HHLA2: variants seen among roughly 807,000 people sequenced by gnomAD.
HHLA2 encodes HERV-H LTR-associating protein 2.
Under a neutral mutation model 45.9 loss-of-function variants are expected in HHLA2, and 48 were observed. The observed-to-expected ratio is 1.05, with a 90% CI of 0.83 to 1.33. The LOEUF (loss-of-function observed/expected upper bound fraction) is 1.33. HHLA2 is among the 40% of genes most tolerant of loss of function. The pLI is 0.00. For synonymous variants in HHLA2, 161 were observed against 173.9 expected (o/e 0.93, Z 0.59); for missense variants, 462 against 494.3 (o/e 0.93, Z 0.62).
chr3:108,358,553 G>A (rs1289370442), intron 7 of HHLA2, among the ~76,000 whole-genome samples: 4 of 152,130 alleles, frequency 2.6e-5, no homozygotes, highest in Admixed American at 1.3e-4. Flanking sequence ...GAAGAATGCT[G>A]GGAAATCATG....
intron 3 of HHLA2, among the ~76,000 whole-genome samples, chr3:108,343,770 C>A (rs1203392026): frequency 1.3e-5 from 2 of 152,140 alleles, no homozygotes; most frequent in Non-Finnish European, 2.9e-5. Context: ...ATATCACTTA[C>A]CACACAATAG....
intron 1 of HHLA2, among the ~76,000 whole-genome samples, chr3:108,300,615 A>G (rs1189261001): frequency 6.6e-6 from 1 of 152,120 alleles, no homozygotes; most frequent in African/African-American, 2.4e-5. Context: ...GTCAGGCCTG[A>G]AACATCTACA....
At chr3:108,306,881 A>G (rs1030098584) in intron 1 of HHLA2, among the ~76,000 whole-genome samples, 1 of 151,988 alleles carries the variant, frequency 6.6e-6, no homozygotes, top group Non-Finnish European at 1.5e-5. Flanking sequence ...TTTGAGACAG[A>G]GTCTCGCTCT....
chr3:108,339,370 G>A (rs1354805796), intron 3 of HHLA2, among the ~76,000 whole-genome samples: 1 of 152,184 alleles, frequency 6.6e-6, no homozygotes, highest in Non-Finnish European at 1.5e-5. Context: ...AGAGTGGTTA[G>A]TAGAAGGCCT....
chr3:108,346,175 A>G (rs541415075), intron 3 of HHLA2, among the ~76,000 whole-genome samples: 205 of 152,270 alleles, frequency 1.3e-3, no homozygotes, highest in African/African-American at 4.5e-3. Flanking sequence ...AACACACCAA[A>G]ACAGAACCGA....
intron 1 of HHLA2, among the ~76,000 whole-genome samples, chr3:108,301,323 G>T (rs1270970986): frequency 6.6e-5 from 10 of 151,886 alleles, no homozygotes; most frequent in Non-Finnish European, 1.0e-4. Context: ...CTGTACTTTT[G>T]TCTTCCCTGT....
chr3:108,342,221 T>C (rs940245023), intron 3 of HHLA2, among the ~76,000 whole-genome samples: 1 of 151,886 alleles, frequency 6.6e-6, no homozygotes, highest in Admixed American at 6.6e-5. Flanking sequence ...ATTTAGCTAG[T>C]TGATGCTTAT....
intron 1 of HHLA2, among the ~76,000 whole-genome samples, chr3:108,301,162 T>C (rs1422948264): frequency 6.6e-6 from 1 of 152,176 alleles, no homozygotes; most frequent in East Asian, 1.9e-4. Context: ...CTATTGAATT[T>C]AGCGTTTTAT....
At chr3:108,304,461 C>T (rs558656245) in intron 1 of HHLA2, among the ~76,000 whole-genome samples, 38 of 152,208 alleles carry the variant, frequency 2.5e-4, no homozygotes, top group Non-Finnish European at 3.2e-4. Context: ...TCTCTGCCAC[C>T]GTCTGTGTCT....
chr3:108,358,208 G>C (rs1050528741), intron 7 of HHLA2, 47 bp downstream of exon 6: 2 of 1,365,002 alleles, frequency 1.5e-6, no homozygotes, highest in South Asian at 1.4e-5. Context: ...TGTAGCATTA[G>C]AGGTTTGTGA....
intron 3 of HHLA2, among the ~76,000 whole-genome samples, chr3:108,334,661 G>T (rs2107393098): frequency 6.6e-6 from 1 of 152,280 alleles, no homozygotes; most frequent in Admixed American, 6.5e-5. Flanking sequence ...TGACGCACAG[G>T]TATAATCTAT....
At chr3:108,307,634 CAA>C (rs554619443) in intron 1 of HHLA2, among the ~76,000 whole-genome samples, 34 of 131,016 alleles carry the variant, frequency 2.6e-4, no homozygotes, top group Non-Finnish European at 2.0e-4. Context: ...AACTCTGTCT[CAA>C]AAAAAAAAAA....
intron 7 of HHLA2, among the ~76,000 whole-genome samples, chr3:108,361,548 G>A (rs1560265319): frequency 6.6e-6 from 1 of 152,120 alleles, no homozygotes; most frequent in Non-Finnish European, 1.5e-5. Context: ...TTAAGGGAAA[G>A]CTCTCAAGAG....
intron 3 of HHLA2, among the ~76,000 whole-genome samples, chr3:108,346,965 T>A (rs759657754): frequency 3.0e-4 from 45 of 152,198 alleles, no homozygotes; most frequent in Non-Finnish European, 6.0e-4. Flanking sequence ...TTTGCCATAT[T>A]CTATTGCAGA....
At chr3:108,364,333 TTA>T (rs879358740) in intron 8 of HHLA2, among the ~76,000 whole-genome samples, 3 of 152,378 alleles carry the variant, frequency 2.0e-5, no homozygotes, top group Admixed American at 2.0e-4. Context: ...TCATTCTTTT[TTA>T]TGACTGCATA....
intron 3 of HHLA2, among the ~76,000 whole-genome samples, chr3:108,335,581 G>A (rs1246345126): frequency 6.6e-6 from 1 of 152,178 alleles, no homozygotes; most frequent in African/African-American, 2.4e-5. Context: ...GGGCATGTTG[G>A]TCAAGAACAT....
chr3:108,312,611 C>T (rs1480470127), intron 2 of HHLA2, among the ~76,000 whole-genome samples: 3 of 152,226 alleles, frequency 2.0e-5, no homozygotes, highest in Non-Finnish European at 4.4e-5. Context: ...GACAAGCTGG[C>T]CCCTTGCAGC....
intron 1 of HHLA2, among the ~76,000 whole-genome samples, chr3:108,308,029 T>C (rs139355597): frequency 0.011 from 1,626 of 152,300 alleles, 30 homozygotes; most frequent in African/African-American, 0.037. Context: ...AATTACACTC[T>C]TAAAATTATT....
At chr3:108,358,800 C>T (rs1228434836) in intron 7 of HHLA2, among the ~76,000 whole-genome samples, 2 of 152,194 alleles carry the variant, frequency 1.3e-5, no homozygotes, top group Non-Finnish European at 2.9e-5. Flanking sequence ...CAGACCATGG[C>T]AGCTCTTTCT....
Sources: allele counts gnomAD v4.1 joint callset (sites outside exome capture counted in the v4.1 genomes callset), GRCh38; gene constraint gnomAD v4.1.1; transcripts MANE v1.5; gene names NCBI Gene and HGNC (gene_info 2026-07-23, HGNC 2026-07-21).